HERC4: variants seen among roughly 807,000 people sequenced by gnomAD.
The protein encoded by HERC4 is HECT and RLD domain containing E3 ubiquitin protein ligase 4, also known as probable E3 ubiquitin-protein ligase HERC4.
A neutral mutation model predicts 124.3 loss-of-function variants in HERC4; 28 were observed. The ratio of observed to expected loss-of-function variants is 0.23; its 90% CI spans 0.17 to 0.31. The LOEUF (loss-of-function observed/expected upper bound fraction) is 0.31. Ranked by LOEUF, HERC4 falls within the 10% of genes least tolerant of loss-of-function variation. HERC4 has a pLI of 1.00. For missense variants in HERC4, 713 were observed against 1,229.3 expected (o/e 0.58, Z 6.28); for synonymous variants, 407 against 421.5 (o/e 0.97, Z 0.42).
At chr10:67,945,290 G>A (rs2033237109) in intron 19 of HERC4, among the ~76,000 whole-genome samples, 1 of 152,140 alleles carries the variant, frequency 6.6e-6, no homozygotes, top group South Asian at 2.1e-4. Flanking sequence ...CAGGAGAATG[G>A]CATGACATAT....
intron 3 of HERC4, among the ~76,000 whole-genome samples, chr10:68,050,139 C>T (rs1386690625): frequency 6.6e-6 from 1 of 152,120 alleles, no homozygotes; most frequent in Non-Finnish European, 1.5e-5. Context: ...GCTGCAGTGA[C>T]CAAGACTGCA....
chr10:68,017,244 T>C lies in HERC4; in HGVS notation c.909-3058A>G, dbSNP rs910741489. 9.2e-5 allele frequency among the ~76,000 whole-genome samples: 14 copies of C among 152,256 alleles called. No individual in the cohort carries two copies. In the South Asian group the frequency reaches 1.2e-3, roughly 14 times the overall value. ...CTGGTATAGTCCCAAGAACGAGATA[T>C]GTAACAAAGCCACCCTAGCTGAAAC... On this transcript the variant is annotated intron_variant, in intron 8 of 24. Transcript: ENST00000373700.
intron 19 of HERC4, among the ~76,000 whole-genome samples, chr10:67,951,578 T>A (rs1159116923): frequency 1.3e-5 from 2 of 152,204 alleles, no homozygotes; most frequent in East Asian, 3.8e-4. Flanking sequence ...TTTCCCCTTT[T>A]TGTCTAAGGA....
At chr10:67,924,235 A>G (rs540637203) in intron 24 of HERC4, among the ~76,000 whole-genome samples, 2 of 152,326 alleles carry the variant, frequency 1.3e-5, no homozygotes, top group Admixed American at 1.3e-4. Context: ...TCAACAATAC[A>G]GTATAACAAC....
At chr10:67,951,694 G>C (rs973209549) in intron 19 of HERC4, among the ~76,000 whole-genome samples, 1 of 152,088 alleles carries the variant, frequency 6.6e-6, no homozygotes, top group Non-Finnish European at 1.5e-5. Flanking sequence ...AGGTCTCCTT[G>C]CTCTTGCTCT....
At chr10:68,018,837 A>G (rs2038420849) in intron 8 of HERC4, among the ~76,000 whole-genome samples, 1 of 151,676 alleles carries the variant, frequency 6.6e-6, no homozygotes, top group Non-Finnish European at 1.5e-5. Flanking sequence ...TATTACAAAG[A>G]TAACAACTTT....
chr10:67,947,672 G>A (rs2033473549), intron 19 of HERC4, among the ~76,000 whole-genome samples: 1 of 151,924 alleles, frequency 6.6e-6, no homozygotes, highest in Non-Finnish European at 1.5e-5. Flanking sequence ...AGTGTACATG[G>A]AACATCTTCT....
intron 6 of HERC4, 124 bp downstream of exon 6, chr10:68,033,841 C>A: frequency 1.4e-6 from 1 of 716,480 alleles, no homozygotes; most frequent in Non-Finnish European, 2.3e-6. Context: ...TTTTAAATAA[C>A]ATCTCATCCC....
chr10:67,926,708 T>C (rs2031018954), intron 23 of HERC4, among the ~76,000 whole-genome samples: 3 of 152,304 alleles, frequency 2.0e-5, no homozygotes, highest in Admixed American at 2.0e-4. Context: ...TTAGTCAATG[T>C]TTTGGGCCCT....
chr10:68,061,016 T>C (rs1589454028), intron 3 of HERC4, among the ~76,000 whole-genome samples: 1 of 152,162 alleles, frequency 6.6e-6, no homozygotes, highest in Non-Finnish European at 1.5e-5. Flanking sequence ...TTCTGCTCTT[T>C]AGGACCGCTT....
intron 17 of HERC4, chr10:67,955,815 A>G (rs111403385): frequency 6.6e-6 from 1 of 152,156 alleles, no homozygotes; most frequent in Non-Finnish European, 1.5e-5. Context: ...TGATCTGGCT[A>G]AGGAAGCATT....
rs555724218 is a variant in HERC4, at chr10:67,922,345, T to C, written c.*586A>G. On this transcript the variant is annotated 3_prime_UTR_variant, in exon 25 of 25. Transcript: ENST00000373700. ...ATTTAGGTTTGCACAAAGACACTTA[T>C]TCTAGCAAAAAAGAAAAGATAGTGT... The C allele has an allele frequency of 4.6e-5, 7 of 152,294 alleles. No homozygotes were observed. The South Asian group carries it at 8.3e-4, about 18-fold the overall frequency. The allele number at this position is 152,294 out of a possible 1,614,324, so 9.4% of individuals were successfully genotyped here. A position where few individuals can be genotyped will look rare whatever the true frequency, so the allele number is the denominator to read the frequency against.
At chr10:67,994,216 A>G (rs758073528) in intron 9 of HERC4, 23 of 152,188 alleles carry the variant, frequency 1.5e-4, no homozygotes, top group Admixed American at 2.6e-4. Context: ...TCAACCTAAA[A>G]TCTTTTTTCT....
intron 3 of HERC4, chr10:68,069,198 C>T: frequency 5.2e-6 from 5 of 962,416 alleles, no homozygotes; most frequent in Non-Finnish European, 6.2e-6. Flanking sequence ...ATCTTCAGAA[C>T]TGAATTTGAA....
chr10:68,021,276 C>T (rs994526071), intron 8 of HERC4, among the ~76,000 whole-genome samples: 1 of 152,124 alleles, frequency 6.6e-6, no homozygotes, highest in Non-Finnish European at 1.5e-5. Context: ...ACTATGACCA[C>T]GACCAAGTGA....
At chr10:67,963,650 T>A (rs2034667255) in intron 16 of HERC4, among the ~76,000 whole-genome samples, 1 of 152,234 alleles carries the variant, frequency 6.6e-6, no homozygotes, top group East Asian at 1.9e-4. Context: ...AAGAAATTGT[T>A]CTTCTTTAAA....
At chr10:67,983,292 A>G (rs1429030751) in intron 15 of HERC4, among the ~76,000 whole-genome samples, 1 of 152,204 alleles carries the variant, frequency 6.6e-6, no homozygotes, top group Non-Finnish European at 1.5e-5. Flanking sequence ...TAGTACAACC[A>G]TTATGGAGAA....
intron 9 of HERC4, among the ~76,000 whole-genome samples, chr10:68,013,174 T>C (rs575148933): frequency 5.6e-4 from 85 of 152,342 alleles, no homozygotes; most frequent in Non-Finnish European, 7.6e-4. Context: ...ATAAAGCATA[T>C]TTATAAACTA....
chr10:67,972,546 A>T (rs2132521894), intron 15 of HERC4, among the ~76,000 whole-genome samples: 1 of 151,180 alleles, frequency 6.6e-6, no homozygotes, highest in Non-Finnish European at 1.5e-5. Flanking sequence ...AAAAAAAAAA[A>T]AAAAAAAAAG....
Sources: gnomAD v4.1 joint callset for allele counts (sites outside exome capture counted in the v4.1 genomes callset) on GRCh38, gnomAD v4.1.1 for gene constraint, MANE v1.5 for transcripts, NCBI Gene and HGNC (gene_info 2026-07-23, HGNC 2026-07-21) for gene names.